Variants in EMC2 observed in about 807,000 individuals in gnomAD.
The protein encoded by EMC2 is ER membrane protein complex subunit 2.
Under a neutral mutation model 51.6 loss-of-function variants are expected in EMC2, and 37 were observed. That is an observed-to-expected ratio of 0.72 (90% confidence interval 0.55 to 0.94). The LOEUF is 0.94. EMC2 is among the 40% of genes least tolerant of loss of function. The pLI is 0.00. For synonymous variants in EMC2, 131 were observed against 112.4 expected, an observed-to-expected ratio of 1.17 and a Z score of -1.04; for missense variants, 359 against 350.9, an observed-to-expected ratio of 1.02 and a Z score of -0.18.
At chr8:108,465,760 T>C (rs1256052938) in intron 5 of EMC2, among the ~76,000 whole-genome samples, 1 of 152,216 alleles carries the variant, frequency 6.6e-6, no homozygotes, top group Non-Finnish European at 1.5e-5. Context: ...AAAAATGTAA[T>C]TATTAGCATT....
Position 108,481,489 on chromosome 8 carries a change from A to G in EMC2, c.807+2379A>G, listed in dbSNP as rs558060243. ...TATTAAAAAAAAAGATTTGTGTAAT[A>G]TAAAAGTAACGTTATGCATACTACA... On this transcript the variant is annotated intron_variant, in intron 10 of 10. Transcript: ENST00000220853. Among the ~76,000 whole-genome samples the G allele has an allele frequency of 3.3e-5, 5 of 152,222 alleles. No homozygotes were observed. In the South Asian group the frequency reaches 1.0e-3, roughly 32 times the overall value.
At chr8:108,452,350 T>C (rs1819048048) in intron 3 of EMC2, among the ~76,000 whole-genome samples, 1 of 152,140 alleles carries the variant, frequency 6.6e-6, no homozygotes, top group Admixed American at 6.5e-5. Context: ...GCGGATCACC[T>C]GAGGTCAGGA....
intron 1 of EMC2, chr8:108,446,439 TG>T: frequency 4.2e-6 from 1 of 240,924 alleles, no homozygotes; most frequent in South Asian, 4.2e-5. Flanking sequence ...CATGGGGTGA[TG>T]AAAGCCTGGG....
chr8:108,469,118 A>G (rs1203627814), intron 5 of EMC2, among the ~76,000 whole-genome samples: 1 of 151,872 alleles, frequency 6.6e-6, no homozygotes, highest in African/African-American at 2.4e-5. Context: ...TTTTTATTTG[A>G]TACGTTTTTG....
intron 5 of EMC2, among the ~76,000 whole-genome samples, chr8:108,466,287 C>G (rs1448244405): frequency 1.3e-5 from 2 of 151,972 alleles, no homozygotes; most frequent in Non-Finnish European, 2.9e-5. Flanking sequence ...AGCTGTTACC[C>G]CTACAGAAAT....
At chr8:108,472,491 C>T (rs1436588083) in intron 7 of EMC2, among the ~76,000 whole-genome samples, 3 of 150,774 alleles carry the variant, frequency 2.0e-5, no homozygotes, top group Non-Finnish European at 4.4e-5. Context: ...TATCTAGTAT[C>T]ACAAAACTCT....
At position 108,487,494 on chromosome 8, in the gene EMC2, A is replaced by T. The variant is rs901001969; in HGVS notation, c.*896A>T. 1.2e-4 allele frequency among the ~76,000 whole-genome samples: 18 copies of T among 152,162 alleles called. No individual in the cohort carries two copies. The highest frequency in any genetic ancestry group is 4.1e-4 in the African/African-American group (17 of 41,570). ...TCTCTTTTCATAATAAACAACCATT[A>T]TGCTACCTTCAACAGTATTTGACAT... On this transcript the variant is annotated 3_prime_UTR_variant, in exon 11 of 11. Coordinates refer to ENST00000220853, the MANE Select transcript of EMC2 (RefSeq NM_014673.5).
intron 9 of EMC2, among the ~76,000 whole-genome samples, chr8:108,478,275 ATAAT>A (rs753696244): frequency 1.3e-4 from 20 of 152,076 alleles, no homozygotes; most frequent in Non-Finnish European, 2.6e-4. Flanking sequence ...TATACATTTA[ATAAT>A]TAGCATATGA....
At chr8:108,478,226 G>T (rs372076027) in intron 9 of EMC2, among the ~76,000 whole-genome samples, 1 of 151,906 alleles carries the variant, frequency 6.6e-6, no homozygotes, top group Non-Finnish European at 1.5e-5. Context: ...ATATATTTAA[G>T]AATAGGAATC....
intron 7 of EMC2, chr8:108,474,923 A>G (rs980593949): frequency 1.3e-5 from 2 of 152,036 alleles, no homozygotes; most frequent in African/African-American, 4.8e-5. Context: ...AATGCATGAC[A>G]CGTAATAAGC....
intron 9 of EMC2, among the ~76,000 whole-genome samples, chr8:108,477,256 A>C (rs755802148): frequency 6.6e-6 from 1 of 152,014 alleles, no homozygotes; most frequent in Non-Finnish European, 1.5e-5. Flanking sequence ...ATTTTTAAAC[A>C]GTGCCAATAA....
chr8:108,455,975 A>G (rs759249992), intron 5 of EMC2, 45 bp downstream of exon 5: 37 of 864,580 alleles, frequency 4.3e-5, no homozygotes, highest in Non-Finnish European at 5.8e-5. Flanking sequence ...GTTTAATTTA[A>G]AAGATAAAAT....
chr8:108,461,005 AG>A (rs1819306339), intron 5 of EMC2, among the ~76,000 whole-genome samples: 1 of 152,350 alleles, frequency 6.6e-6, no homozygotes, highest in South Asian at 2.1e-4. Context: ...TAGACATTGA[AG>A]GAGAAAACAT....
intron 5 of EMC2, among the ~76,000 whole-genome samples, chr8:108,466,149 A>C (rs1007437360): frequency 2.0e-5 from 3 of 152,178 alleles, no homozygotes; most frequent in Non-Finnish European, 2.9e-5. Flanking sequence ...GACTTGCCCA[A>C]GATCTTACAG....
intron 7 of EMC2, among the ~76,000 whole-genome samples, chr8:108,473,146 G>A (rs1441748416): frequency 6.6e-6 from 1 of 151,952 alleles, no homozygotes; most frequent in Non-Finnish European, 1.5e-5. Flanking sequence ...ACTTTTATAA[G>A]TTTGTTTCTG....
chr8:108,484,051 G>T (rs3802247), intron 10 of EMC2, among the ~76,000 whole-genome samples: 103,989 of 151,904 alleles, frequency 0.68, 36,148 homozygotes, highest in African/African-American at 0.81. Context: ...CTATTTGCTC[G>T]TCAATTAGGT....
intron 1 of EMC2, among the ~76,000 whole-genome samples, chr8:108,447,481 G>A (rs1272149885): frequency 6.6e-6 from 1 of 152,060 alleles, no homozygotes; most frequent in African/African-American, 2.4e-5. Context: ...AAAAGAATAT[G>A]CTGGTTTATG....
At chr8:108,449,437 T>C (rs749899231) in intron 1 of EMC2, among the ~76,000 whole-genome samples, 1 of 152,204 alleles carries the variant, frequency 6.6e-6, no homozygotes, top group Admixed American at 6.5e-5. Context: ...CATAGTTGGC[T>C]AATTTTTGTA....
At chr8:108,455,832 T>C in intron 4 of EMC2, 41 bp from the exon 5 acceptor site, 1 of 722,128 alleles carries the variant, frequency 1.4e-6, no homozygotes, top group Non-Finnish European at 2.3e-6. Flanking sequence ...ACTATATTTT[T>C]AAGGTAATAA....
Sources: allele counts gnomAD v4.1 joint callset (sites outside exome capture counted in the v4.1 genomes callset), GRCh38; gene constraint gnomAD v4.1.1; transcripts MANE v1.5; gene names NCBI Gene and HGNC (gene_info 2026-07-23, HGNC 2026-07-21).